The following SHANK2 variants were observed in gnomAD, a reference collection of about 807,000 sequenced individuals.
SHANK2 encodes the protein SH3 and multiple ankyrin repeat domains 2, also known as SH3 and multiple ankyrin repeat domains protein 2.
SHANK2 carries 43 observed loss-of-function variants against 133.7 expected under a neutral mutation model. The observed-to-expected ratio is 0.32, with a 90% CI of 0.25 to 0.41. SHANK2 has a LOEUF of 0.41. Ranked by LOEUF, SHANK2 falls within the 10% of genes least tolerant of loss-of-function variation. SHANK2 has a pLI of 1.00. For synonymous variants in SHANK2, 1,017 were observed against 952.8 expected (o/e 1.07, Z -1.24); for missense variants, 1,994 against 2,235.8 (o/e 0.89, Z 2.18).
At chr11:70,709,992 C>T (rs1945745306) in intron 14 of SHANK2, among the ~76,000 whole-genome samples, 1 of 152,062 alleles carries the variant, frequency 6.6e-6, no homozygotes, top group Admixed American at 6.5e-5. Flanking sequence ...GGAGGATGAA[C>T]ACTGAGATTC....
intron 3 of SHANK2, among the ~76,000 whole-genome samples, chr11:71,143,931 G>A (rs1194470245): frequency 5.3e-5 from 8 of 151,398 alleles, no homozygotes; most frequent in African/African-American, 1.9e-4. Context: ...AACGAGCATC[G>A]ACCATCCATT....
intron 4 of SHANK2, among the ~76,000 whole-genome samples, chr11:71,113,952 C>T (rs369320659): frequency 3.3e-5 from 5 of 152,166 alleles, no homozygotes; most frequent in East Asian, 1.9e-4. Flanking sequence ...CTCAGATGCA[C>T]GGAGTAAGCA....
chr11:71,098,692 G>A (rs1951668003), intron 6 of SHANK2, among the ~76,000 whole-genome samples: 1 of 152,194 alleles, frequency 6.6e-6, no homozygotes, highest in Admixed American at 6.5e-5. Flanking sequence ...ACCAGAAAGT[G>A]AGTGCAACCA....
chr11:70,542,127 T>C (rs2059629751), intron 17 of SHANK2, among the ~76,000 whole-genome samples: 1 of 152,190 alleles, frequency 6.6e-6, no homozygotes, highest in African/African-American at 2.4e-5. Context: ...GACTACATAG[T>C]GAGCTGACCG....
intron 17 of SHANK2, among the ~76,000 whole-genome samples, chr11:70,633,312 T>C (rs1392553956): frequency 6.6e-6 from 1 of 150,482 alleles, no homozygotes; most frequent in Non-Finnish European, 1.5e-5. Context: ...TATACAAAAA[T>C]CCTGAGTTCA....
chr11:71,099,971 C>T (rs575512171), intron 6 of SHANK2, among the ~76,000 whole-genome samples: 1 of 151,818 alleles, frequency 6.6e-6, no homozygotes, highest in East Asian at 1.9e-4. Context: ...ATCACTTGAG[C>T]CCAGGAGGTC....
chr11:70,668,700 T>TGGA (rs1944729034), intron 15 of SHANK2: 1 of 152,378 alleles, frequency 6.6e-6, no homozygotes, highest in Admixed American at 6.5e-5. Flanking sequence ...GAAGACTTCC[T>TGGA]GGAGGAGGAG....
intron 14 of SHANK2, among the ~76,000 whole-genome samples, chr11:70,749,480 C>G (rs918604037): frequency 5.9e-5 from 9 of 152,174 alleles, no homozygotes; most frequent in African/African-American, 1.9e-4. Flanking sequence ...ACAATCTACA[C>G]AACATAATAC....
At chr11:70,933,883 G>A (rs1408418378) in intron 10 of SHANK2, among the ~76,000 whole-genome samples, 2 of 139,728 alleles carry the variant, frequency 1.4e-5, no homozygotes, top group African/African-American at 5.7e-5. Context: ...CTAGGTGAGA[G>A]AGCAAGACTG....
chr11:70,517,077 A>G (rs1554970256), intron 17 of SHANK2, among the ~76,000 whole-genome samples: 1 of 152,180 alleles, frequency 6.6e-6, no homozygotes, highest in Non-Finnish European at 1.5e-5. Flanking sequence ...AGGGCAAAAT[A>G]TCTGAATAGA....
chr11:70,642,419 C>T (rs528708450), intron 17 of SHANK2, among the ~76,000 whole-genome samples: 1 of 152,202 alleles, frequency 6.6e-6, no homozygotes, highest in Non-Finnish European at 1.5e-5. Flanking sequence ...GACAGAGGGG[C>T]CTCAGCAGGA....
At chr11:70,562,371 G>A (rs1407608371) in intron 17 of SHANK2, among the ~76,000 whole-genome samples, 1 of 152,192 alleles carries the variant, frequency 6.6e-6, no homozygotes, top group Non-Finnish European at 1.5e-5. Context: ...GTTACAGAAG[G>A]AGAAGTGATT....
chr11:70,497,189 G>A (rs896513594), intron 21 of SHANK2, among the ~76,000 whole-genome samples: 2 of 152,210 alleles, frequency 1.3e-5, no homozygotes, highest in African/African-American at 2.4e-5. Context: ...TCTTGGGGAC[G>A]TGGCCAGTGG....
intron 11 of SHANK2, among the ~76,000 whole-genome samples, chr11:70,862,196 C>T (rs1949270328): frequency 6.6e-6 from 1 of 152,228 alleles, no homozygotes; most frequent in Non-Finnish European, 1.5e-5. Context: ...GCTCCCCGAA[C>T]ACAGCCTGAC....
At chr11:70,748,860 G>C (rs1019292714) in intron 14 of SHANK2, among the ~76,000 whole-genome samples, 2 of 152,200 alleles carry the variant, frequency 1.3e-5, no homozygotes. Context: ...CAGTGAAGTG[G>C]AGAAAAGCTC....
chr11:70,506,021 G>A (rs1487107238), intron 17 of SHANK2, among the ~76,000 whole-genome samples: 1 of 152,204 alleles, frequency 6.6e-6, no homozygotes, highest in Non-Finnish European at 1.5e-5. Flanking sequence ...GGGGCTGGAG[G>A]GCCCTTTTCC....
chr11:70,636,767 T>C (rs890570508), intron 17 of SHANK2, among the ~76,000 whole-genome samples: 1 of 145,140 alleles, frequency 6.9e-6, no homozygotes, highest in Non-Finnish European at 1.6e-5. Flanking sequence ...AGCATGTGTG[T>C]GAGCATCTGT....
chr11:70,813,306 G>A (rs1332857239), intron 12 of SHANK2, among the ~76,000 whole-genome samples: 1 of 152,136 alleles, frequency 6.6e-6, no homozygotes, highest in African/African-American at 2.4e-5. Context: ...GCAAGGGCAC[G>A]GGAAAGGCTC....
chr11:70,800,925 G>A (rs1948030937), intron 13 of SHANK2, among the ~76,000 whole-genome samples: 1 of 152,202 alleles, frequency 6.6e-6, no homozygotes, highest in African/African-American at 2.4e-5. Flanking sequence ...ATATGGGCCT[G>A]GGGAGAAGGG....
Sources: allele counts gnomAD v4.1 joint callset (sites outside exome capture counted in the v4.1 genomes callset), GRCh38; gene constraint gnomAD v4.1.1; transcripts MANE v1.5; gene names NCBI Gene and HGNC (gene_info 2026-07-23, HGNC 2026-07-21).